KATNAL1: variants seen among roughly 807,000 people sequenced by gnomAD.
KATNAL1 encodes the protein katanin catalytic subunit A1 like 1.
A neutral mutation model predicts 55.2 loss-of-function variants in KATNAL1; 32 were observed. The observed-to-expected ratio is 0.58, with a 90% confidence interval of 0.44 to 0.78. The LOEUF (loss-of-function observed/expected upper bound fraction) is 0.78, where lower values mean the gene tolerates loss of function less well. Among genes scored for constraint, KATNAL1 ranks in the 30% least tolerant of loss-of-function variants. The pLI is 0.00. For synonymous variants in KATNAL1, 193 were observed against 193.6 expected (o/e 1.00, Z 0.02); for missense variants, 466 against 600.9 (o/e 0.78, Z 2.35).
At position 30,255,597 on chromosome 13, in the gene KATNAL1, C is replaced by G; in HGVS notation, c.342G>C (p.Arg114Ser). The G allele has an allele frequency of 1.3e-6, 2 of 1,522,062 alleles. No homozygotes were observed. Among genetic ancestry groups the G allele is most frequent in the Non-Finnish European group, 1.8e-6 (2 of 1,137,394 alleles). 94.3% of individuals were successfully genotyped at this position (1,522,062 alleles called of 1,614,324 possible). Residue 114 changes from arginine (R) to serine (S), a missense_variant, in exon 4 of 11, where the codon AGG becomes AGC. This residue lies in a region of KATNAL1 where 248 missense variants were observed against 275.5 expected (regional missense o/e 0.90). Transcript: ENST00000380615. Reference protein sequence around the residue: ...PAEHRAPPQIRRPNREVRPLR... With the variant: ...PAEHRAPPQISRPNREVRPLR... Reference sequence around the variant, plus strand: ...GAGGTCTTACTTCTCGATTGGGACGCCTGATCTGAGGTGGAGCTCTGACAA... The same window carrying G: ...GAGGTCTTACTTCTCGATTGGGACGGCTGATCTGAGGTGGAGCTCTGACAA...
intron 3 of KATNAL1, among the ~76,000 whole-genome samples, chr13:30,273,226 C>A (rs766276215): frequency 1.3e-5 from 2 of 152,226 alleles, no homozygotes; most frequent in Non-Finnish European, 1.5e-5. Flanking sequence ...ACTTTCCTGG[C>A]TCCCTTTTTC....
At chr13:30,296,623 T>A (rs979498914) in intron 1 of KATNAL1, 1 of 708,296 alleles carries the variant, frequency 1.4e-6, no homozygotes, top group East Asian at 2.9e-5. Flanking sequence ...GTCCAGACCA[T>A]CCAGTACACG....
At chr13:30,270,912 C>CA (rs1205772874) in intron 3 of KATNAL1, among the ~76,000 whole-genome samples, 1 of 145,694 alleles carries the variant, frequency 6.9e-6, no homozygotes, top group Non-Finnish European at 1.5e-5. Context: ...GATCAATAAA[C>CA]AAAAAATAAT....
rs76289555 is a variant in KATNAL1, at chr13:30,305,605, A to C, written c.-15+1726T>G. On this transcript the variant is annotated intron_variant, in intron 1 of 10. Transcript: ENST00000380615. ...CTAAAGCCTGTTTCCTCATCTCTAA[A>C]AATCAGTAACTACTTCACCAACTGT... 1.6e-4 allele frequency among the ~76,000 whole-genome samples: 25 copies of C among 152,354 alleles called. No individual in the cohort carries two copies. In the East Asian group the frequency reaches 4.8e-3, roughly 29 times the overall value.
chr13:30,231,708 A>G (rs769717057), intron 6 of KATNAL1, among the ~76,000 whole-genome samples: 1 of 152,296 alleles, frequency 6.6e-6, no homozygotes, highest in African/African-American at 2.4e-5. Flanking sequence ...AAAAGACTAG[A>G]CAACAAACAA....
intron 3 of KATNAL1, among the ~76,000 whole-genome samples, chr13:30,274,865 T>TG (rs1419178783): frequency 7.0e-6 from 1 of 143,166 alleles, no homozygotes; most frequent in African/African-American, 2.6e-5. Context: ...GCATATATGT[T>TG]GGGGGCGGGG....
intron 6 of KATNAL1, among the ~76,000 whole-genome samples, chr13:30,233,436 AT>A (rs1876311903): frequency 2.0e-5 from 3 of 152,164 alleles, no homozygotes; most frequent in Non-Finnish European, 4.4e-5. Context: ...AATGGCTTTC[AT>A]CAAAAAGATA....
chr13:30,287,072 A>G (rs1043127012), intron 1 of KATNAL1, among the ~76,000 whole-genome samples: 3 of 152,224 alleles, frequency 2.0e-5, no homozygotes, highest in African/African-American at 7.2e-5. Context: ...CATAGGTGGA[A>G]GGAACTTGCC....
At chr13:30,286,631 G>C (rs932724873) in intron 1 of KATNAL1, among the ~76,000 whole-genome samples, 3 of 152,234 alleles carry the variant, frequency 2.0e-5, no homozygotes, top group African/African-American at 7.2e-5. Flanking sequence ...TGTGTGGCTG[G>C]AACTTCCACT....
chr13:30,281,054 G>T (rs1418039265), intron 2 of KATNAL1, among the ~76,000 whole-genome samples: 4 of 138,894 alleles, frequency 2.9e-5, no homozygotes, highest in East Asian at 2.1e-4. Flanking sequence ...GATCACTTGA[G>T]CCCAGGAGTT....
In KATNAL1 at chr13:30,250,135, A is replaced by T. The variant is rs146082782; in HGVS notation, c.492+5312T>A. On this transcript the variant is annotated intron_variant, in intron 4 of 10. Transcript: ENST00000380615. Reference sequence around the variant, plus strand: ...GTTCAGTGACATGATGTTGAAATCCATCATACAGGTGGTATTTATATCACA... The same window carrying T: ...GTTCAGTGACATGATGTTGAAATCCTTCATACAGGTGGTATTTATATCACA... Among the ~76,000 whole-genome samples the T allele has an allele frequency of 1.9e-4, 29 of 152,344 alleles. No individual in the cohort carries two copies. In the East Asian group the frequency reaches 5.2e-3, roughly 27 times the overall value.
intron 3 of KATNAL1, among the ~76,000 whole-genome samples, chr13:30,263,833 T>C (rs1425438740): frequency 2.1e-5 from 3 of 144,530 alleles, no homozygotes; most frequent in Non-Finnish European, 4.5e-5. Context: ...GCCATCCCCA[T>C]CAAGCTACCA....
intron 4 of KATNAL1, among the ~76,000 whole-genome samples, chr13:30,241,313 T>C (rs184838519): frequency 2.0e-5 from 3 of 152,330 alleles, no homozygotes; most frequent in Admixed American, 6.5e-5. Flanking sequence ...GCAGGAACAG[T>C]TGCATGCAGG....
intron 2 of KATNAL1, among the ~76,000 whole-genome samples, chr13:30,281,346 T>C (rs1304993147): frequency 6.6e-6 from 1 of 151,986 alleles, no homozygotes; most frequent in Non-Finnish European, 1.5e-5. Flanking sequence ...TTACAGAATA[T>C]GCTATAGTGG....
At chr13:30,282,946 C>T (rs1320620074) in intron 2 of KATNAL1, among the ~76,000 whole-genome samples, 3 of 139,592 alleles carry the variant, frequency 2.1e-5, no homozygotes, top group Admixed American at 7.4e-5. Flanking sequence ...CAGAGTAAGA[C>T]TCCGTCTCAA....
At chr13:30,212,751 A>G (rs2137344707) in intron 9 of KATNAL1, among the ~76,000 whole-genome samples, 1 of 152,374 alleles carries the variant, frequency 6.6e-6, no homozygotes, top group South Asian at 2.1e-4. Flanking sequence ...AATAATTAAA[A>G]TGTCCACCAA....
intron 1 of KATNAL1, chr13:30,296,190 T>G (rs1339361533): frequency 1.1e-5 from 8 of 699,300 alleles, no homozygotes; most frequent in Middle Eastern, 2.6e-4. Context: ...GCCCCTAACT[T>G]CAAGGCCACA....
intron 9 of KATNAL1, among the ~76,000 whole-genome samples, chr13:30,219,466 C>A (rs1273913649): frequency 6.6e-6 from 1 of 152,184 alleles, no homozygotes; most frequent in Admixed American, 6.5e-5. Flanking sequence ...AAATACTGTG[C>A]AGAGCTCTCG....
At chr13:30,240,432 T>C (rs921600338) in intron 6 of KATNAL1, 28 bp downstream of exon 6, 9 of 1,453,824 alleles carry the variant, frequency 6.2e-6, no homozygotes, top group African/African-American at 1.4e-5. Context: ...AGCATTCTTA[T>C]ATCAAAACCA....
Sources: allele counts gnomAD v4.1 joint callset (sites outside exome capture counted in the v4.1 genomes callset), GRCh38; gene constraint gnomAD v4.1.1; regional missense constraint gnomAD v4.1.1; transcripts MANE v1.5; gene names NCBI Gene and HGNC (gene_info 2026-07-23, HGNC 2026-07-21).